The following TAB2 variants were observed in gnomAD, a reference collection of about 807,000 sequenced individuals.
TAB2 encodes TGF-beta-activated kinase 1 and MAP3K7-binding protein 2.
Under a neutral mutation model 65.0 loss-of-function variants are expected in TAB2, and 3 were observed. The observed-to-expected ratio is 0.05, with a 90% CI of 0.02 to 0.12. TAB2 has a LOEUF of 0.12. Among genes scored for constraint, TAB2 ranks in the 10% least tolerant of loss-of-function variants. TAB2 has a pLI of 1.00. For missense variants in TAB2, 623 were observed against 840.3 expected (o/e 0.74, Z 3.20); for synonymous variants, 298 against 285.1 (o/e 1.05, Z -0.46).
intron 6 of TAB2, among the ~76,000 whole-genome samples, chr6:149,409,308 C>G (rs1244832968): frequency 1.3e-5 from 2 of 152,040 alleles, no homozygotes; most frequent in East Asian, 3.8e-4. Flanking sequence ...ACCCTTTATT[C>G]TACTATAAAT....
rs141606644 is a variant in TAB2 at position 149,309,190 on chromosome 6, A to G, written c.-120-68828A>G. On this transcript the variant is annotated intron_variant, in intron 1 of 1. Coordinates refer to the TAB2 transcript ENST00000606202. The stretch of plus-strand genomic sequence containing the variant: ...TCGTGATAGATGATATTTAAGTCAT[A>G]TACTTCACATATCAAGATTATGACA... Among the ~76,000 whole-genome samples, 885 of 152,334 alleles carry G rather than the reference A, an allele frequency of 5.8e-3. 14 individuals carry two copies. The highest frequency in any genetic ancestry group is 0.02 in the African/African-American group (825 of 41,558).
intron 1 of TAB2, among the ~76,000 whole-genome samples, chr6:149,240,542 G>A (rs1777578367): frequency 6.9e-6 from 1 of 145,608 alleles, no homozygotes; most frequent in Non-Finnish European, 1.5e-5. Context: ...TTATAAAACT[G>A]TAGAATAATA....
At chr6:149,326,574 G>A (rs1445040955) in intron 1 of TAB2, among the ~76,000 whole-genome samples, 1 of 150,836 alleles carries the variant, frequency 6.6e-6, no homozygotes, top group African/African-American at 2.4e-5. Context: ...TTGAGACGGG[G>A]TCTTGCTCTT....
At chr6:149,369,463 T>C (rs912516943) in intron 1 of TAB2, among the ~76,000 whole-genome samples, 3 of 152,164 alleles carry the variant, frequency 2.0e-5, no homozygotes, top group Admixed American at 6.5e-5. Context: ...AGCAAAATAT[T>C]GAATGCATTG....
Position 149,320,620 on chromosome 6 carries a change from A to G in TAB2, c.-90+2605A>G, listed in dbSNP as rs1355214930. The stretch of plus-strand genomic sequence containing the variant: ...AGTATAATGTAGGCTGTTTTACTCT[A>G]TGAGTTACTTGCAAAAAAAGTCCTT... On this transcript the variant is annotated intron_variant, in intron 1 of 6. Transcript: ENST00000637181. Among the ~76,000 whole-genome samples the G allele has an allele frequency of 7.9e-5, 12 of 152,168 alleles. 1 individual carries two copies. Among genetic ancestry groups the G allele is most frequent in the Admixed American group, 2.6e-4 (4 of 15,288 alleles).
chr6:149,271,089 T>C (rs1414790617), intron 1 of TAB2, among the ~76,000 whole-genome samples: 1 of 152,064 alleles, frequency 6.6e-6, no homozygotes, highest in African/African-American at 2.4e-5. Flanking sequence ...AAAATATTAC[T>C]GTTAGCTACT....
chr6:149,400,725 C>G (rs368075976), intron 6 of TAB2: 1 of 1,583,826 alleles, frequency 6.3e-7, no homozygotes, highest in Non-Finnish European at 8.6e-7. Flanking sequence ...CTTTAAAGAC[C>G]AAGATTACTG....
intron 6 of TAB2, among the ~76,000 whole-genome samples, chr6:149,406,880 G>A (rs1453808092): frequency 6.6e-6 from 1 of 152,094 alleles, no homozygotes; most frequent in Non-Finnish European, 1.5e-5. Context: ...ACCACGCCCA[G>A]CTAATTTTGT....
chr6:149,387,530 G>A (rs911029603), intron 3 of TAB2, among the ~76,000 whole-genome samples: 1 of 151,962 alleles, frequency 6.6e-6, no homozygotes, highest in Non-Finnish European at 1.5e-5. Context: ...ATTAAATTGG[G>A]ACATGTGAGT....
At chr6:149,239,026 C>A (rs1310649675) in intron 1 of TAB2, among the ~76,000 whole-genome samples, 1 of 152,190 alleles carries the variant, frequency 6.6e-6, no homozygotes. Flanking sequence ...GGAAATATCT[C>A]TGGGACCTCT....
intron 3 of TAB2, among the ~76,000 whole-genome samples, chr6:149,385,712 A>T (rs1444165426): frequency 6.6e-6 from 1 of 152,182 alleles, no homozygotes; most frequent in East Asian, 1.9e-4. Flanking sequence ...CATCCAGCCT[A>T]TCAAGTGTAA....
At position 149,250,561 on chromosome 6, in the gene TAB2, C is replaced by T. The variant is rs531397410; in HGVS notation, c.-121+31785C>T. Among the ~76,000 whole-genome samples the T allele has an allele frequency of 4.6e-5, 7 of 152,316 alleles. No homozygotes were observed. The East Asian group carries it at 1.3e-3, about 29-fold the overall frequency. ...CCTCAGGCGATCTGCCCACCTCGGC[C>T]TCCCAAAGTGCTGAAACTGCAGGCA... On this transcript the variant is annotated intron_variant, in intron 1 of 1. Transcript: ENST00000606202.
intron 1 of TAB2, among the ~76,000 whole-genome samples, chr6:149,276,854 G>C (rs1389767252): frequency 2.6e-5 from 4 of 152,172 alleles, no homozygotes; most frequent in Non-Finnish European, 5.9e-5. Context: ...TGGTTTGGCT[G>C]TGTCCCCACC....
At chr6:149,401,989 A>G (rs892343445) in intron 6 of TAB2, among the ~76,000 whole-genome samples, 1 of 144,282 alleles carries the variant, frequency 6.9e-6, no homozygotes, top group Non-Finnish European at 1.5e-5. Flanking sequence ...GAGATAAACA[A>G]TACTACATTA....
rs527700933 is a variant in TAB2, at chr6:149,384,940, C to CT, written c.1603+5427dup. 6.8e-3 allele frequency among the ~76,000 whole-genome samples: 1,027 copies of CT among 152,078 alleles called. 14 individuals carry two copies. Among genetic ancestry groups the CT allele is most frequent in the African/African-American group, 0.023 (934 of 41,498 alleles). On this transcript the variant is annotated intron_variant, in intron 3 of 6. Transcript: ENST00000637181. The stretch of plus-strand genomic sequence containing the variant: ...CTGTGGTATTGACTTAGCTGGTAAA[C>CT]TTTTTATTATTTAAAGAAAAAAAAT...
intron 6 of TAB2, among the ~76,000 whole-genome samples, chr6:149,409,047 T>C (rs537416613): frequency 2.6e-5 from 4 of 152,328 alleles, no homozygotes; most frequent in African/African-American, 9.6e-5. Context: ...GATTTACTTC[T>C]CCAGAGTCTG....
chr6:149,373,488 TCTC>T (rs1423220372), intron 2 of TAB2, among the ~76,000 whole-genome samples: 9 of 151,826 alleles, frequency 5.9e-5, no homozygotes, highest in East Asian at 1.9e-4. Flanking sequence ...TTCACATTAT[TCTC>T]CTCCACTAGA....
intron 6 of TAB2, among the ~76,000 whole-genome samples, chr6:149,408,473 A>G (rs1369236382): frequency 6.6e-6 from 1 of 152,184 alleles, no homozygotes; most frequent in Non-Finnish European, 1.5e-5. Flanking sequence ...ATTTGTCATA[A>G]AATTTGACTT....
At chr6:149,227,460 C>CGTCATGTTA (rs1777305224) in intron 1 of TAB2, among the ~76,000 whole-genome samples, 1 of 152,062 alleles carries the variant, frequency 6.6e-6, no homozygotes, top group African/African-American at 2.4e-5. Context: ...AGAGAAAGAG[C>CGTCATGTTA]GTCATGTTAC....
Sources: allele counts gnomAD v4.1 joint callset (sites outside exome capture counted in the v4.1 genomes callset), GRCh38; gene constraint gnomAD v4.1.1; transcripts MANE v1.5; gene names NCBI Gene and HGNC (gene_info 2026-07-23, HGNC 2026-07-21).